The following YJU2B variants were observed in gnomAD, a reference collection of about 807,000 sequenced individuals.
The protein encoded by YJU2B is probable splicing factor YJU2B.
YJU2B carries 18 observed loss-of-function variants against 38.0 expected under a neutral mutation model. That is an observed-to-expected ratio of 0.47 (90% CI 0.33 to 0.70). The LOEUF is 0.70. YJU2B is among the 30% of genes least tolerant of loss of function. The pLI is 0.02. For synonymous variants in YJU2B, 246 were observed against 225.4 expected, an observed-to-expected ratio of 1.09 and a Z score of -0.82; for missense variants, 538 against 556.3, an observed-to-expected ratio of 0.97 and a Z score of 0.33.
At chr19:13,745,698 T>TAGATAG (rs368183752), upstream of YJU2B, among the ~76,000 whole-genome samples, 3,633 of 126,512 alleles carry the variant, frequency 0.029, 79 homozygotes, top group Middle Eastern at 0.048. Flanking sequence ...TAGATATAGA[T>TAGATAG]ATATAGATAT....
At position 13,751,614 on chromosome 19, in the gene YJU2B, C is replaced by A; in HGVS notation, c.-195C>A. 1.7e-6 allele frequency: 1 copy of A among 598,412 alleles called. No homozygotes were observed. 37.1% of individuals were successfully genotyped at this position (598,412 alleles called of 1,614,324 possible). On this transcript the variant is annotated 5_prime_UTR_variant, in exon 2 of 10. Transcript: ENST00000221554. ...ACTCTCTCTTTCTAAACAGACACGCCGCTTTTTGGATGCCTCCTATGCCTG... is the reference window on the plus strand; with the variant it reads ...ACTCTCTCTTTCTAAACAGACACGCAGCTTTTTGGATGCCTCCTATGCCTG...
In YJU2B at chr19:13,738,722, T is replaced by C. The variant is rs182449760; in HGVS notation, c.-202+6437T>C. Among the ~76,000 whole-genome samples, 561 of 152,136 alleles carry C rather than the reference T, an allele frequency of 3.7e-3. 5 individuals carry two copies. The highest frequency in any genetic ancestry group is 0.014 in the Middle Eastern group (4 of 294). On this transcript the variant is annotated intron_variant, in intron 2 of 10. Coordinates refer to the YJU2B transcript ENST00000586600. Reference sequence around the variant, plus strand: ...CTGGCTAACACGGTGAAACCCCGTCTCTACTAAAAATACAAAAATTAGCCG... The same window carrying C: ...CTGGCTAACACGGTGAAACCCCGTCCCTACTAAAAATACAAAAATTAGCCG...
chr19:13,734,629 C>T (rs567955260), intron 2 of YJU2B, among the ~76,000 whole-genome samples: 1 of 152,158 alleles, frequency 6.6e-6, no homozygotes, highest in South Asian at 2.1e-4. Flanking sequence ...CACTCTACCA[C>T]CCAGCCTGGA....
rs36058954 is a variant in YJU2B, at chr19:13,752,912, C to CAA, written c.3+1112_3+1113dup. ...TGCGTGACAGAGCAAGACTCTGTCT[C>CAA]AAAAAAAAAAAAGAAGAAAACAAGA... On this transcript the variant is annotated intron_variant, in intron 2 of 9. Transcript: ENST00000221554. Among the ~76,000 whole-genome samples, 463 of 134,268 alleles carry CAA rather than the reference C, an allele frequency of 3.4e-3. 2 individuals carry two copies. Among genetic ancestry groups the CAA allele is most frequent in the African/African-American group, 0.011 (438 of 38,514 alleles). 88.1% of individuals were successfully genotyped at this position (134,268 alleles called of 152,430 possible).
chr19:13,762,820 A>G lies in YJU2B; in HGVS notation c.943A>G (p.Lys315Glu). ...ESPQHAADTP[K>E]SGEPRVPEEA... ...CCCCCAGCATGCGGCCGACACCCCC[A>G]AGTCTGGGGAACCGCGGGTACCAGA... The change falls in exon 10 of 10, where the codon AAG becomes GAG. Residue 315 changes from lysine to glutamate, a missense_variant. Transcript: ENST00000221554. The G allele has an allele frequency of 6.2e-7, 1 of 1,604,228 alleles. No homozygotes were observed.
rs750602753 is a variant in YJU2B at position 13,762,745 on chromosome 19, G to A, written c.868G>A (p.Val290Ile). The change falls in exon 10 of 10, where the codon GTC becomes ATC. Residue 290 changes from valine (V) to isoleucine (I), a missense_variant. Physicochemically the swap from Val to Ile is conservative, Grantham distance 29. Coordinates refer to ENST00000221554, the MANE Select transcript of YJU2B (RefSeq NM_030818.4). The stretch of plus-strand genomic sequence containing the variant: ...CGCGCTTGCCACCTCCCCCATCACC[G>A]TCGGGGACCTGGGCATCGTGCGGCG... Reference protein sequence around the residue: ...RTALATSPITVGDLGIVRRRS... With the variant: ...RTALATSPITIGDLGIVRRRS... 16 of 1,608,450 alleles carry A rather than the reference G, an allele frequency of 9.9e-6. No individual in the cohort carries two copies. Among genetic ancestry groups the A allele is most frequent in the South Asian group, 7.7e-5 (7 of 90,784 alleles).
At chr19:13,739,886 C>T (rs1973048186) in intron 2 of YJU2B, among the ~76,000 whole-genome samples, 1 of 152,158 alleles carries the variant, frequency 6.6e-6, no homozygotes, top group African/African-American at 2.4e-5. Context: ...TCCTAATGCT[C>T]TTCCTCCCCT....
In YJU2B at chr19:13,754,307, A is replaced by G; in HGVS notation, c.22A>G (p.Asn8Asp). Residue 8 changes from asparagine to aspartate, a missense_variant, in exon 3 of 10, where the codon AAC becomes GAC. Physicochemically the swap from Asn to Asp is conservative, Grantham distance 23. This residue lies in a region of YJU2B where 50 missense variants were observed against 86.9 expected (regional missense o/e 0.58). Transcript: ENST00000221554. ...TTTGCAGGGTGAAAGGAAAGGGGTC[A>G]ACAAGTACTATCCTCCAGACTTCAA... MGERKGV[N>D]KYYPPDFNPE... The G allele has an allele frequency of 6.2e-7, 1 of 1,613,916 alleles. No homozygotes were observed. Among genetic ancestry groups the G allele is most frequent in the South Asian group, 1.1e-5 (1 of 91,078 alleles).
rs752123447 is a variant in YJU2B, at chr19:13,759,296, T to A, written c.573+24T>A. The A allele has an allele frequency of 1.5e-5, 23 of 1,577,072 alleles. No individual in the cohort carries two copies. In the South Asian group the frequency reaches 2.6e-4, roughly 18 times the overall value. On this transcript the variant is annotated intron_variant, in intron 8 of 9. Coordinates refer to ENST00000221554, the MANE Select transcript of YJU2B (RefSeq NM_030818.4). ...GGGTGAGGGGGGCTCCAGCCCGGGGTCAGAGAGGATGCATGGTGGACCAAG... is the reference window on the plus strand; with the variant it reads ...GGGTGAGGGGGGCTCCAGCCCGGGGACAGAGAGGATGCATGGTGGACCAAG...
intron 2 of YJU2B, among the ~76,000 whole-genome samples, chr19:13,740,527 GTTT>G (rs1255954930): frequency 6.6e-6 from 1 of 151,316 alleles, no homozygotes; most frequent in Non-Finnish European, 1.5e-5. Flanking sequence ...GACGTTTTTT[GTTT>G]TTTTGTTTGT....
intron 2 of YJU2B, among the ~76,000 whole-genome samples, chr19:13,734,754 A>C (rs746244478): frequency 3.2e-4 from 49 of 151,786 alleles, no homozygotes; most frequent in Admixed American, 3.9e-4. Context: ...ATGCACAGCT[A>C]ATTGGTTTTT....
chr19:13,745,716 TC>T (rs1179316957), upstream of YJU2B, among the ~76,000 whole-genome samples: 1 of 93,274 alleles, frequency 1.1e-5, no homozygotes, highest in African/African-American at 4.5e-5. Context: ...TATCTATAGA[TC>T]TATAGATATC....
intron 2 of YJU2B, among the ~76,000 whole-genome samples, chr19:13,734,580 G>T (rs953807223): frequency 4.6e-5 from 7 of 151,086 alleles, no homozygotes; most frequent in African/African-American, 1.7e-4. Flanking sequence ...GTGAGCCACC[G>T]CGCCCGGCCC....
At chr19:13,739,012 C>G (rs998612559) in intron 2 of YJU2B, among the ~76,000 whole-genome samples, 5 of 151,780 alleles carry the variant, frequency 3.3e-5, no homozygotes, top group Non-Finnish European at 1.5e-5. Context: ...GGCAGTGAGC[C>G]GAGATTGCAC....
chr19:13,734,023 G>C (rs1181687831), intron 2 of YJU2B, among the ~76,000 whole-genome samples: 1 of 152,102 alleles, frequency 6.6e-6, no homozygotes, highest in Non-Finnish European at 1.5e-5. Flanking sequence ...CAACTCCTGA[G>C]CTCAAGGGAT....
intron 3 of YJU2B, among the ~76,000 whole-genome samples, chr19:13,754,731 C>G (rs1973598561): frequency 1.3e-5 from 2 of 152,152 alleles, no homozygotes. Context: ...CAGAGGTCCT[C>G]CCTGACCACT....
chr19:13,756,057 T>G, intron 3 of YJU2B, 140 bp from the exon 4 acceptor site: 1 of 687,284 alleles, frequency 1.5e-6, no homozygotes, highest in Non-Finnish European at 2.6e-6. Flanking sequence ...CCTATTGCTA[T>G]GAACACCCGT....
upstream of YJU2B, among the ~76,000 whole-genome samples, chr19:13,743,226 T>C (rs1314838234): frequency 6.6e-6 from 1 of 152,208 alleles, no homozygotes; most frequent in East Asian, 1.9e-4. Context: ...AGATTACACA[T>C]TGGTTTCCAC....
rs182103896 is a variant in YJU2B, at chr19:13,748,501, C to G, written c.-202+547C>G. Among the ~76,000 whole-genome samples the G allele has an allele frequency of 5.9e-3, 897 of 152,176 alleles. 28 individuals carry two copies. The highest frequency in any genetic ancestry group is 0.05 in the Admixed American group (764 of 15,264). On this transcript the variant is annotated intron_variant, in intron 1 of 9. Coordinates refer to ENST00000221554, the MANE Select transcript of YJU2B (RefSeq NM_030818.4). ...CGGTAATTACTTTTGCACCAAGGAC[C>G]GGAGATATCTACACGCCCACCCGAT...
Sources: gnomAD v4.1 joint callset for allele counts (sites outside exome capture counted in the v4.1 genomes callset) on GRCh38, gnomAD v4.1.1 for gene constraint, gnomAD v4.1.1 regional missense constraint, MANE v1.5 for transcripts, NCBI Gene and HGNC (gene_info 2026-07-23, HGNC 2026-07-21) for gene names.